PEMT: variants seen among roughly 807,000 people sequenced by gnomAD.
The protein encoded by PEMT is phospholipid methyltransferase.
Under a neutral mutation model 27.4 loss-of-function variants are expected in PEMT, and 23 were observed. That is an observed-to-expected ratio of 0.84 (90% CI 0.60 to 1.19). The LOEUF is 1.19. Ranked by LOEUF, PEMT falls within the 50% of genes most tolerant of loss-of-function variation. PEMT has a pLI of 0.00. For missense variants in PEMT, 307 were observed against 310.1 expected, an observed-to-expected ratio of 0.99 and a Z score of 0.07; for synonymous variants, 137 against 139.1, an observed-to-expected ratio of 0.98 and a Z score of 0.11.
intron 1 of PEMT, among the ~76,000 whole-genome samples, chr17:17,584,760 T>C (rs1383442211): frequency 2.6e-5 from 4 of 152,218 alleles, no homozygotes; most frequent in Non-Finnish European, 4.4e-5. Context: ...GCTGCCAAGC[T>C]CTGGCAAGGG....
chr17:17,530,428 G>C (rs1311560217), intron 2 of PEMT, among the ~76,000 whole-genome samples: 2 of 152,178 alleles, frequency 1.3e-5, no homozygotes, highest in East Asian at 3.8e-4. Flanking sequence ...CCCGGAGGCG[G>C]AGGTTGCAGT....
intron 2 of PEMT, among the ~76,000 whole-genome samples, chr17:17,530,300 A>G (rs1037459305): frequency 1.3e-5 from 2 of 152,252 alleles, no homozygotes; most frequent in Non-Finnish European, 2.9e-5. Flanking sequence ...GTTCAAGACC[A>G]GCTTGACCAA....
In PEMT at chr17:17,506,218, C is replaced by T; in HGVS notation, c.653+9G>A. ...AGCCACGCCCCCACCCGCCGCAGCC[C>T]CTACTCACTCTTCGTATAGGAGAGC... On this transcript the variant is annotated intron_variant, in intron 6 of 6. Coordinates refer to ENST00000255389, the MANE Select transcript of PEMT (RefSeq NM_148172.3). 6.4e-7 allele frequency: 1 copy of T among 1,557,996 alleles called. No individual in the cohort carries two copies. The highest frequency in any genetic ancestry group is 8.7e-7 in the Non-Finnish European group (1 of 1,147,950).
chr17:17,527,601 G>A (rs1240085113), intron 2 of PEMT, among the ~76,000 whole-genome samples: 1 of 152,240 alleles, frequency 6.6e-6, no homozygotes. Flanking sequence ...CGGATTAAGC[G>A]AATTCCTGCC....
intron 3 of PEMT, among the ~76,000 whole-genome samples, chr17:17,518,785 C>A (rs554789222): frequency 2.0e-5 from 3 of 152,268 alleles, no homozygotes; most frequent in East Asian, 1.9e-4. Context: ...AACGATGCCA[C>A]ACCCCAAAGG....
chr17:17,564,547 C>A (rs536821476), intron 2 of PEMT, among the ~76,000 whole-genome samples: 85 of 152,234 alleles, frequency 5.6e-4, no homozygotes, highest in African/African-American at 2.0e-3. Context: ...AATAAGGGCA[C>A]AGAGGCCAGA....
intron 2 of PEMT, among the ~76,000 whole-genome samples, chr17:17,535,943 G>T (rs1481794555): frequency 1.3e-5 from 2 of 152,218 alleles, no homozygotes; most frequent in East Asian, 3.9e-4. Context: ...CCATCGGTGA[G>T]CAGGGGATGC....
chr17:17,513,325 G>A lies in PEMT; in HGVS notation c.321-671C>T, dbSNP rs2142515431. On this transcript the variant is annotated intron_variant, in intron 3 of 6. Transcript: ENST00000255389. This position sits in a 1 kb window ranked among gnomAD's most constrained non-coding sequence, Gnocchi z 4.1. ...TAAAAAGGTAGTGGGGTCCAGGTGTGGTGGCTCACGCCTGCAATCCCAGCA... is the reference window on the plus strand; with the variant it reads ...TAAAAAGGTAGTGGGGTCCAGGTGTAGTGGCTCACGCCTGCAATCCCAGCA... Among the ~76,000 whole-genome samples, 1 of 152,316 alleles carries A rather than the reference G, an allele frequency of 6.6e-6. No homozygotes were observed. The highest frequency in any genetic ancestry group is 6.5e-5 in the Admixed American group (1 of 15,298).
In PEMT at chr17:17,535,567, GAAA is replaced by G. The variant is rs35903619; in HGVS notation, c.205-13175_205-13173del. Among the ~76,000 whole-genome samples the G allele has an allele frequency of 6.3e-3, 892 of 141,508 alleles. 10 individuals are homozygous for G. Among genetic ancestry groups the G allele is most frequent in the African/African-American group, 0.021 (814 of 39,392 alleles). 92.8% of individuals were successfully genotyped at this position (141,508 alleles called of 152,430 possible). On this transcript the variant is annotated intron_variant, in intron 2 of 6. Coordinates refer to ENST00000255389, the MANE Select transcript of PEMT (RefSeq NM_148172.3). ...GCGACAGACTGAGACTCCGTCTCAA[GAAA>G]AAAAAAAAAAAAGTCCTTACTTGTT...
intron 2 of PEMT, among the ~76,000 whole-genome samples, chr17:17,562,453 A>C (rs927651030): frequency 6.6e-6 from 1 of 152,142 alleles, no homozygotes; most frequent in Admixed American, 6.5e-5. Context: ...CCCGCCCCTC[A>C]AGACAGCTGC....
At chr17:17,577,788 C>A (rs1418783665) in intron 1 of PEMT, among the ~76,000 whole-genome samples, 1 of 152,050 alleles carries the variant, frequency 6.6e-6, no homozygotes, top group South Asian at 2.1e-4. Flanking sequence ...GAGGCCGAGG[C>A]GGGCGGATCA....
At chr17:17,578,934 T>A (rs989277438) in intron 1 of PEMT, among the ~76,000 whole-genome samples, 12 of 152,098 alleles carry the variant, frequency 7.9e-5, no homozygotes, top group Non-Finnish European at 1.3e-4. Context: ...ATAATAAAAA[T>A]TTTTTTAAAA....
intron 1 of PEMT, among the ~76,000 whole-genome samples, chr17:17,578,314 G>C (rs958442253): frequency 2.6e-5 from 4 of 151,828 alleles, no homozygotes; most frequent in African/African-American, 9.7e-5. Context: ...CCAGGAGTTT[G>C]AGACCAGTCT....
intron 2 of PEMT, chr17:17,565,223 A>C (rs1250870628): frequency 2.0e-5 from 3 of 152,404 alleles, no homozygotes; most frequent in African/African-American, 7.2e-5. Context: ...GCTTCTCTTG[A>C]GATCTCTGCC....
chr17:17,562,267 G>A (rs1002079330), intron 2 of PEMT, among the ~76,000 whole-genome samples: 9 of 152,160 alleles, frequency 5.9e-5, no homozygotes, highest in Non-Finnish European at 1.2e-4. Flanking sequence ...AAGGCAGATC[G>A]GATCCGCTGG....
Position 17,580,773 on chromosome 17 carries a change from C to T in PEMT, c.97-3746G>A, listed in dbSNP as rs143672247. ...GCCTCATTCCCATTACCAATCCTCC[C>T]GTGGCCCATCTGTTATTCCGCCTCT... On this transcript the variant is annotated intron_variant, in intron 1 of 6. Coordinates refer to ENST00000255389, the MANE Select transcript of PEMT (RefSeq NM_148172.3). Among the ~76,000 whole-genome samples the T allele has an allele frequency of 1.5e-3, 235 of 152,312 alleles. No individual in the cohort carries two copies. In the Middle Eastern group the frequency reaches 0.017, roughly 11 times the overall value.
chr17:17,524,125 A>G (rs1317125214), intron 2 of PEMT, among the ~76,000 whole-genome samples: 1 of 152,154 alleles, frequency 6.6e-6, no homozygotes, highest in Non-Finnish European at 1.5e-5. Flanking sequence ...ATACGACTCC[A>G]GTATATAAAG....
chr17:17,571,323 G>T (rs549092998), intron 2 of PEMT, among the ~76,000 whole-genome samples: 11 of 152,042 alleles, frequency 7.2e-5, no homozygotes, highest in Non-Finnish European at 1.2e-4. Context: ...CAGGAAGGCC[G>T]GTCTCCAGGA....
intron 5 of PEMT, chr17:17,507,840 C>T (rs916482611): frequency 2.0e-5 from 3 of 153,188 alleles, no homozygotes; most frequent in Non-Finnish European, 4.4e-5. Flanking sequence ...CTCTAATGAG[C>T]TCCTGGACCA....
Sources: allele counts gnomAD v4.1 joint callset (sites outside exome capture counted in the v4.1 genomes callset), GRCh38; gene constraint gnomAD v4.1.1; non-coding constraint Gnocchi (gnomAD v3.1); transcripts MANE v1.5; gene names NCBI Gene and HGNC (gene_info 2026-07-23, HGNC 2026-07-21).